FRMD4A: variants seen among roughly 807,000 people sequenced by gnomAD.
The protein encoded by FRMD4A is FERM domain-containing protein 4A.
Under a neutral mutation model 129.1 loss-of-function variants are expected in FRMD4A, and 29 were observed. That is an observed-to-expected ratio of 0.22 (90% CI 0.17 to 0.31). The LOEUF (loss-of-function observed/expected upper bound fraction) is 0.31. FRMD4A is among the 10% of genes least tolerant of loss of function. The pLI is 1.00. For synonymous variants in FRMD4A, 634 were observed against 571.6 expected (o/e 1.11, Z -1.56); for missense variants, 1,272 against 1,375.8 (o/e 0.92, Z 1.19).
intron 2 of FRMD4A, among the ~76,000 whole-genome samples, chr10:13,930,218 C>T (rs1317485594): frequency 6.6e-6 from 1 of 152,198 alleles, no homozygotes; most frequent in Non-Finnish European, 1.5e-5. Context: ...GCCGGGTCTG[C>T]ACAGGACTGA....
chr10:13,673,617 T>C (rs969070010), intron 16 of FRMD4A, among the ~76,000 whole-genome samples: 6 of 152,070 alleles, frequency 3.9e-5, no homozygotes, highest in Middle Eastern at 3.4e-3. Context: ...GAGTCATGTG[T>C]ATTGCATTAA....
intron 15 of FRMD4A, among the ~76,000 whole-genome samples, chr10:13,687,968 G>A (rs914812965): frequency 1.3e-5 from 2 of 152,104 alleles, no homozygotes; most frequent in African/African-American, 4.8e-5. Flanking sequence ...ACAGGTCTAC[G>A]GGGTCTCACA....
chr10:14,128,908 T>C (rs961601787), intron 2 of FRMD4A, among the ~76,000 whole-genome samples: 29 of 152,296 alleles, frequency 1.9e-4, no homozygotes, highest in African/African-American at 6.5e-4. Flanking sequence ...GAAAAAATGC[T>C]GGGTGCACGG....
chr10:13,731,239 A>C (rs1368741138), intron 12 of FRMD4A, among the ~76,000 whole-genome samples: 1 of 152,170 alleles, frequency 6.6e-6, no homozygotes, highest in Non-Finnish European at 1.5e-5. Context: ...TTTGAGTATA[A>C]ACAGGAGATC....
intron 2 of FRMD4A, among the ~76,000 whole-genome samples, chr10:14,286,300 A>G (rs1018443857): frequency 1.3e-5 from 2 of 152,190 alleles, no homozygotes; most frequent in Admixed American, 1.3e-4. Context: ...TTCTTGCTCA[A>G]CTATTTCTTA....
intron 2 of FRMD4A, among the ~76,000 whole-genome samples, chr10:14,329,300 G>A (rs557811178): frequency 2.0e-5 from 3 of 152,358 alleles, no homozygotes; most frequent in Non-Finnish European, 2.9e-5. Flanking sequence ...CCTGGGAAAG[G>A]AGAGAGATGC....
intron 2 of FRMD4A, among the ~76,000 whole-genome samples, chr10:13,863,563 C>T (rs1316576299): frequency 6.6e-6 from 1 of 152,076 alleles, no homozygotes; most frequent in Admixed American, 6.6e-5. Context: ...GTATTCTACC[C>T]TGGGTGACAG....
At chr10:14,088,426 C>G (rs1484443230) in intron 2 of FRMD4A, among the ~76,000 whole-genome samples, 1 of 145,070 alleles carries the variant, frequency 6.9e-6, no homozygotes, top group Non-Finnish European at 1.5e-5. Context: ...GCCTGGGTGA[C>G]AGAACAAGAC....
At chr10:13,805,990 TG>T (rs2093351744) in intron 4 of FRMD4A, among the ~76,000 whole-genome samples, 2 of 152,156 alleles carry the variant, frequency 1.3e-5, no homozygotes, top group Admixed American at 1.3e-4. Flanking sequence ...CCTAAGTAGC[TG>T]GAATTACAAG....
intron 2 of FRMD4A, among the ~76,000 whole-genome samples, chr10:13,904,936 T>C (rs1242454259): frequency 1.5e-5 from 2 of 132,002 alleles, no homozygotes; most frequent in Non-Finnish European, 3.0e-5. Flanking sequence ...GAGGTTGCAG[T>C]GAGCGGAGAT....
chr10:13,843,094 C>T (rs185237977), intron 3 of FRMD4A, among the ~76,000 whole-genome samples: 93 of 152,314 alleles, frequency 6.1e-4, no homozygotes, highest in Non-Finnish European at 1.1e-3. Context: ...GAAAGGTGTA[C>T]AATCTGCACT....
intron 12 of FRMD4A, among the ~76,000 whole-genome samples, chr10:13,726,275 AAAAAACAAAAC>A (rs1167436809): frequency 2.0e-5 from 3 of 152,206 alleles, no homozygotes; most frequent in Non-Finnish European, 2.9e-5. Context: ...CCTTGTCTCA[AAAAAACAAAAC>A]AAAAACAAAA....
intron 5 of FRMD4A, among the ~76,000 whole-genome samples, chr10:13,794,664 G>A (rs1032385195): frequency 2.0e-5 from 3 of 152,204 alleles, no homozygotes; most frequent in East Asian, 1.9e-4. Flanking sequence ...GCCAGATGGC[G>A]TGTATAAAGA....
intron 3 of FRMD4A, among the ~76,000 whole-genome samples, chr10:13,851,856 C>A (rs536570704): frequency 4.0e-5 from 6 of 151,092 alleles, no homozygotes; most frequent in African/African-American, 1.2e-4. Context: ...GCTGAGATTG[C>A]ACCACTTCAC....
intron 2 of FRMD4A, among the ~76,000 whole-genome samples, chr10:13,974,135 T>C (rs1297637244): frequency 6.6e-6 from 1 of 151,270 alleles, no homozygotes; most frequent in East Asian, 2.0e-4. Context: ...GGGACAGTTC[T>C]AAAGGCATTG....
intron 2 of FRMD4A, among the ~76,000 whole-genome samples, chr10:13,940,357 T>C (rs2095281575): frequency 6.6e-6 from 1 of 152,142 alleles, no homozygotes; most frequent in Non-Finnish European, 1.5e-5. Flanking sequence ...ATGTCAACTG[T>C]TGCAGTGTAA....
rs146750185 is a variant in FRMD4A at position 13,733,516 on chromosome 10, G to A, written c.759+4328C>T. Among the ~76,000 whole-genome samples, 51 of 152,132 alleles carry A rather than the reference G, an allele frequency of 3.4e-4. 1 individual carries two copies. Among genetic ancestry groups the A allele is most frequent in the African/African-American group, 1.1e-3 (45 of 41,508 alleles). Reference sequence around the variant, plus strand: ...CAGCGCACTGCAACCTCCGCCTCCCGGGTTCAAATGATTCTCCTGCCTCAG... The same window carrying A: ...CAGCGCACTGCAACCTCCGCCTCCCAGGTTCAAATGATTCTCCTGCCTCAG... On this transcript the variant is annotated intron_variant, in intron 12 of 24. Coordinates refer to ENST00000357447, the MANE Select transcript of FRMD4A (RefSeq NM_018027.5).
rs146889976 is a variant in FRMD4A, at chr10:13,986,210, C to T, written c.46-127298G>A. Among the ~76,000 whole-genome samples the T allele has an allele frequency of 4.6e-5, 7 of 151,944 alleles. No individual in the cohort carries two copies. The East Asian group carries it at 5.8e-4, about 13-fold the overall frequency. ...AAGTTTTAAGAAAGTATGTTTATTGCGGCACTATTCACAATAGCAAAGACT... is the reference window on the plus strand; with the variant it reads ...AAGTTTTAAGAAAGTATGTTTATTGTGGCACTATTCACAATAGCAAAGACT... On this transcript the variant is annotated intron_variant, in intron 2 of 24. Coordinates refer to ENST00000357447, the MANE Select transcript of FRMD4A (RefSeq NM_018027.5).
chr10:14,056,674 G>A (rs1414453001), intron 2 of FRMD4A, among the ~76,000 whole-genome samples: 2 of 152,112 alleles, frequency 1.3e-5, no homozygotes, highest in Non-Finnish European at 2.9e-5. Context: ...TTGCTTGTTT[G>A]CTACTGGCTT....
Sources: allele counts gnomAD v4.1 joint callset (sites outside exome capture counted in the v4.1 genomes callset), GRCh38; gene constraint gnomAD v4.1.1; transcripts MANE v1.5; gene names NCBI Gene and HGNC (gene_info 2026-07-23, HGNC 2026-07-21).